SAMD5: variants seen among roughly 807,000 people sequenced by gnomAD.
SAMD5 encodes the protein sterile alpha motif domain-containing protein 5.
SAMD5 carries 13 observed loss-of-function variants against 11.3 expected under a neutral mutation model. The observed-to-expected ratio is 1.15, with a 90% CI of 0.75 to 1.83. The LOEUF (loss-of-function observed/expected upper bound fraction) is 1.83. Among genes scored for constraint, SAMD5 ranks in the 40% most tolerant of loss-of-function variants. SAMD5 has a pLI of 0.00. For synonymous variants in SAMD5, 129 were observed against 111.3 expected (o/e 1.16, Z -1.00); for missense variants, 255 against 239.1 (o/e 1.07, Z -0.44).
chr6:147,723,441 C>T (rs1791583125), intron 1 of SAMD5, among the ~76,000 whole-genome samples: 1 of 152,186 alleles, frequency 6.6e-6, no homozygotes, highest in African/African-American at 2.4e-5. Context: ...CCCCTAGCAG[C>T]TTAAGGCTTT....
At chr6:147,735,554 A>G (rs1322399293) in intron 1 of SAMD5, among the ~76,000 whole-genome samples, 1 of 152,222 alleles carries the variant, frequency 6.6e-6, no homozygotes. Flanking sequence ...TAGAAACTAA[A>G]TGTGCTAAAT....
chr6:147,669,319 A>G (rs1042215201), intron 1 of SAMD5, among the ~76,000 whole-genome samples: 2 of 152,098 alleles, frequency 1.3e-5, no homozygotes, highest in African/African-American at 4.8e-5. Flanking sequence ...ATTCCATCCC[A>G]AAAGACCACT....
intron 1 of SAMD5, among the ~76,000 whole-genome samples, chr6:147,666,481 T>G (rs1358267546): frequency 6.6e-6 from 1 of 152,166 alleles, no homozygotes; most frequent in Non-Finnish European, 1.5e-5. Flanking sequence ...CTTCAGGCCC[T>G]TCCTCCTCAG....
intron 1 of SAMD5, among the ~76,000 whole-genome samples, chr6:147,605,908 A>G (rs1365585035): frequency 6.6e-6 from 1 of 152,054 alleles, no homozygotes. Context: ...TGTTTGAGGC[A>G]CGGAGTGCTT....
At position 147,566,629 on chromosome 6, in the gene SAMD5, G is replaced by C; in HGVS notation, c.*2173G>C. ...TATCTAACTTCAATTATTTTGCCAGGTTTAAACCTTCTCTCTGTGTCTGTG... is the reference window on the plus strand; with the variant it reads ...TATCTAACTTCAATTATTTTGCCAGCTTTAAACCTTCTCTCTGTGTCTGTG... On this transcript the variant is annotated 3_prime_UTR_variant, in exon 2 of 2. Transcript: ENST00000367474. 1 of 980,268 alleles carries C rather than the reference G, an allele frequency of 1.0e-6. No homozygotes were observed. The highest frequency in any genetic ancestry group is 1.2e-6 in the Non-Finnish European group (1 of 824,950). The allele number at this position is 980,268 out of a possible 1,614,324, so 60.7% of individuals were successfully genotyped here.
intron 1 of SAMD5, among the ~76,000 whole-genome samples, chr6:147,702,161 T>A (rs1324550665): frequency 1.3e-5 from 2 of 152,160 alleles, no homozygotes; most frequent in African/African-American, 4.8e-5. Context: ...AGAGAAAGCA[T>A]GTGTGGGGAA....
At chr6:147,651,016 A>T (rs1404489056) in intron 1 of SAMD5, among the ~76,000 whole-genome samples, 2 of 152,202 alleles carry the variant, frequency 1.3e-5, no homozygotes, top group Non-Finnish European at 2.9e-5. Context: ...GATAGAGTTG[A>T]ATAAATGGTA....
the SAMD5 span, among the ~76,000 whole-genome samples, chr6:147,747,555 G>A: frequency 6.6e-6 from 1 of 152,172 alleles, no homozygotes; most frequent in South Asian, 2.1e-4. Flanking sequence ...CTATCACTGA[G>A]GCTGGAGCAC....
downstream of SAMD5, among the ~76,000 whole-genome samples, chr6:147,739,287 A>G (rs1442489110): frequency 1.3e-5 from 2 of 152,228 alleles, 1 homozygote; most frequent in African/African-American, 4.8e-5. Context: ...CAACTGACTT[A>G]ATACACTATA....
chr6:147,661,212 T>G (rs951755132), intron 1 of SAMD5, among the ~76,000 whole-genome samples: 2 of 152,188 alleles, frequency 1.3e-5, no homozygotes, highest in Admixed American at 6.5e-5. Context: ...CTAATAATTG[T>G]CATCCTTAAA....
the SAMD5 span, among the ~76,000 whole-genome samples, chr6:147,932,588 TTGTGTGTGTGTGTGTGTGTGTGTGTG>T: frequency 9.1e-5 from 12 of 131,172 alleles, no homozygotes; most frequent in Admixed American, 1.6e-4. Flanking sequence ...TCTTACAGAA[TTGTGTGTGTGTGTGTGTGTGTGTGTG>T]TGTGTGTGTG....
chr6:147,843,923 T>C, the SAMD5 span, among the ~76,000 whole-genome samples: 1 of 152,130 alleles, frequency 6.6e-6, no homozygotes, highest in Admixed American at 6.5e-5. Context: ...CGGCATTACA[T>C]TGGTCTGGAC....
At chr6:147,511,392 G>A (rs1382668387) in intron 1 of SAMD5, among the ~76,000 whole-genome samples, 1 of 152,212 alleles carries the variant, frequency 6.6e-6, no homozygotes, top group Non-Finnish European at 1.5e-5. Context: ...ATTTGCATAA[G>A]TGCAGTTTAC....
At chr6:147,880,358 T>C in the SAMD5 span, among the ~76,000 whole-genome samples, 2 of 151,890 alleles carry the variant, frequency 1.3e-5, no homozygotes, top group African/African-American at 4.8e-5. Flanking sequence ...GGGTCTCTCT[T>C]GCACACACAC....
At chr6:147,593,303 C>A (rs890675533) in intron 1 of SAMD5, among the ~76,000 whole-genome samples, 1 of 152,044 alleles carries the variant, frequency 6.6e-6, no homozygotes, top group Admixed American at 6.6e-5. Flanking sequence ...GGGAGACAGA[C>A]AACATACAAG....
chr6:147,915,361 C>G, the SAMD5 span, among the ~76,000 whole-genome samples: 5 of 152,108 alleles, frequency 3.3e-5, no homozygotes, highest in African/African-American at 1.2e-4. Context: ...GTTAGGTGGA[C>G]TTTGTTTTTG....
the SAMD5 span, among the ~76,000 whole-genome samples, chr6:147,906,097 T>C: frequency 7.9e-5 from 12 of 152,204 alleles, no homozygotes; most frequent in Admixed American, 2.0e-4. Flanking sequence ...AGCATCCCAA[T>C]GCCAAATTGT....
At chr6:147,742,042 G>C (rs114917922), downstream of SAMD5, among the ~76,000 whole-genome samples, 547 of 152,230 alleles carry the variant, frequency 3.6e-3, 4 homozygotes, top group African/African-American at 0.012. Flanking sequence ...TGACAATATT[G>C]TTGAAATATC....
the SAMD5 span, among the ~76,000 whole-genome samples, chr6:147,861,628 A>G: frequency 6.6e-6 from 1 of 152,188 alleles, no homozygotes; most frequent in African/African-American, 2.4e-5. Context: ...AGGGCCCAGG[A>G]ACACTTTTTC....
Sources: gnomAD v4.1 joint callset for allele counts (sites outside exome capture counted in the v4.1 genomes callset) on GRCh38, gnomAD v4.1.1 for gene constraint, MANE v1.5 for transcripts, NCBI Gene and HGNC (gene_info 2026-07-23, HGNC 2026-07-21) for gene names.